Variants in ERBB4 observed in about 807,000 individuals in gnomAD.
ERBB4 encodes receptor tyrosine-protein kinase erbB-4.
A neutral mutation model predicts 158.0 loss-of-function variants in ERBB4; 42 were observed. That is an observed-to-expected ratio of 0.27 (90% CI 0.21 to 0.34). The LOEUF (loss-of-function observed/expected upper bound fraction) is 0.34, where lower values mean the gene tolerates loss of function less well. ERBB4 is among the 10% of genes least tolerant of loss of function. The probability of loss-of-function intolerance (pLI) is 1.00; values close to 1 mark genes in which losing one functional copy is unlikely to be tolerated. For synonymous variants in ERBB4, 583 were observed against 558.7 expected, an observed-to-expected ratio of 1.04 and a Z score of -0.61; for missense variants, 1,333 against 1,624.1, an observed-to-expected ratio of 0.82 and a Z score of 3.08.
intron 1 of ERBB4, among the ~76,000 whole-genome samples, chr2:212,211,995 C>T (rs2082952448): frequency 6.6e-6 from 1 of 152,076 alleles, no homozygotes; most frequent in Non-Finnish European, 1.5e-5. Flanking sequence ...CATATCTTTA[C>T]TACTGTAAAT....
At chr2:212,131,938 ACCATT>A (rs2125586255) in intron 1 of ERBB4, among the ~76,000 whole-genome samples, 1 of 152,302 alleles carries the variant, frequency 6.6e-6, no homozygotes, top group East Asian at 1.9e-4. Context: ...TGATCATGTG[ACCATT>A]GACAGAAATG....
At chr2:212,062,342 A>ACTG (rs547887608) in intron 2 of ERBB4, among the ~76,000 whole-genome samples, 205 of 146,642 alleles carry the variant, frequency 1.4e-3, no homozygotes, top group Non-Finnish European at 2.0e-3. Flanking sequence ...AACTGTGCTG[A>ACTG]CTGCAGTCTC....
chr2:211,441,416 A>C (rs1303604523), intron 20 of ERBB4, among the ~76,000 whole-genome samples: 2 of 152,162 alleles, frequency 1.3e-5, no homozygotes, highest in Admixed American at 1.3e-4. Context: ...GTATAGTAAT[A>C]ATACAAATTT....
intron 1 of ERBB4, among the ~76,000 whole-genome samples, chr2:212,160,174 G>T (rs76779135): frequency 6.6e-6 from 1 of 151,762 alleles, no homozygotes. Context: ...TTCAACTTAC[G>T]CAGGTAAGAC....
intron 1 of ERBB4, among the ~76,000 whole-genome samples, chr2:212,507,134 T>C (rs1044024630): frequency 1.1e-4 from 16 of 152,148 alleles, no homozygotes; most frequent in East Asian, 5.8e-4. Context: ...ACTAGCCTAG[T>C]TGACAACACA....
At chr2:212,028,213 G>A (rs2076819069) in intron 2 of ERBB4, among the ~76,000 whole-genome samples, 1 of 152,026 alleles carries the variant, frequency 6.6e-6, no homozygotes, top group South Asian at 2.1e-4. Context: ...CACACCAAAG[G>A]CCTGACAAGT....
intron 20 of ERBB4, among the ~76,000 whole-genome samples, chr2:211,446,540 T>C (rs1037125941): frequency 3.3e-5 from 5 of 152,302 alleles, no homozygotes; most frequent in Non-Finnish European, 4.4e-5. Flanking sequence ...ATTTGGACAT[T>C]AGTATGAAGT....
chr2:212,288,029 C>T (rs552357596), intron 1 of ERBB4, among the ~76,000 whole-genome samples: 4 of 152,002 alleles, frequency 2.6e-5, no homozygotes, highest in Non-Finnish European at 4.4e-5. Flanking sequence ...GTGTAACAAA[C>T]CTACACTTGT....
At chr2:211,630,681 T>C (rs1448621728) in intron 16 of ERBB4, 87 bp from the exon 17 acceptor site, 28 of 1,184,976 alleles carry the variant, frequency 2.4e-5, no homozygotes, top group Non-Finnish European at 3.4e-5. Flanking sequence ...TACAAGACAT[T>C]ATCCACATTT....
At chr2:212,486,642 G>A (rs1200330347) in intron 1 of ERBB4, among the ~76,000 whole-genome samples, 1 of 152,034 alleles carries the variant, frequency 6.6e-6, no homozygotes, top group African/African-American at 2.4e-5. Flanking sequence ...AGTAAAATGG[G>A]GATGAAAAGC....
chr2:211,907,960 C>T (rs1364208016), intron 3 of ERBB4, among the ~76,000 whole-genome samples: 5 of 151,934 alleles, frequency 3.3e-5, no homozygotes, highest in African/African-American at 9.6e-5. Flanking sequence ...TTTGCACACA[C>T]GGGCTACTGA....
chr2:211,451,605 A>G (rs1299197809), intron 20 of ERBB4, among the ~76,000 whole-genome samples: 2 of 152,150 alleles, frequency 1.3e-5, no homozygotes, highest in Non-Finnish European at 1.5e-5. Context: ...AGTGGTGGGG[A>G]GGGAACAGCA....
chr2:212,443,110 G>A (rs548377738), intron 1 of ERBB4, among the ~76,000 whole-genome samples: 57 of 152,276 alleles, frequency 3.7e-4, no homozygotes, highest in East Asian at 3.9e-4. Flanking sequence ...ATTCCTGTCC[G>A]TAAGGCCCAC....
At chr2:212,018,164 T>A (rs2125322300) in intron 2 of ERBB4, among the ~76,000 whole-genome samples, 1 of 152,258 alleles carries the variant, frequency 6.6e-6, no homozygotes, top group African/African-American at 2.4e-5. Flanking sequence ...AGATGTTTCA[T>A]TAAAAGTATA....
intron 1 of ERBB4, among the ~76,000 whole-genome samples, chr2:212,391,260 T>C (rs905234161): frequency 2.0e-5 from 3 of 151,708 alleles, no homozygotes; most frequent in Non-Finnish European, 4.4e-5. Flanking sequence ...ATAATAAGTT[T>C]TATGAAATTC....
intron 2 of ERBB4, among the ~76,000 whole-genome samples, chr2:211,965,163 A>C (rs1338607680): frequency 2.0e-5 from 3 of 152,208 alleles, no homozygotes; most frequent in Non-Finnish European, 2.9e-5. Flanking sequence ...AGGAAAAAAT[A>C]AGAAGGACAG....
chr2:211,754,233 ACTT>A (rs879670423), intron 4 of ERBB4, among the ~76,000 whole-genome samples: 3 of 137,060 alleles, frequency 2.2e-5, no homozygotes, highest in Admixed American at 7.4e-5. Context: ...TTTATAAACT[ACTT>A]CTCCCCAGAG....
At chr2:212,160,720 T>C (rs770830606) in intron 1 of ERBB4, among the ~76,000 whole-genome samples, 2 of 152,024 alleles carry the variant, frequency 1.3e-5, no homozygotes, top group Non-Finnish European at 2.9e-5. Flanking sequence ...AGAATTTAAC[T>C]CTTCATGAAT....
intron 6 of ERBB4, among the ~76,000 whole-genome samples, chr2:211,722,902 T>C (rs2074149351): frequency 6.6e-6 from 1 of 152,226 alleles, no homozygotes; most frequent in Non-Finnish European, 1.5e-5. Flanking sequence ...AGGCTAGATG[T>C]CCACTTGAGC....
Sources: gnomAD v4.1 joint callset for allele counts (sites outside exome capture counted in the v4.1 genomes callset) on GRCh38, gnomAD v4.1.1 for gene constraint, MANE v1.5 for transcripts, NCBI Gene and HGNC (gene_info 2026-07-23, HGNC 2026-07-21) for gene names.